The following MRTFA variants were observed in gnomAD, a reference collection of about 807,000 sequenced individuals.
MRTFA encodes myocardin related transcription factor A, also known as myocardin-related transcription factor A.
MRTFA carries 20 observed loss-of-function variants against 83.5 expected under a neutral mutation model. The observed-to-expected ratio is 0.24, with a 90% CI of 0.17 to 0.35. The LOEUF is 0.35. MRTFA is among the 10% of genes least tolerant of loss of function. The pLI, the probability that MRTFA is intolerant of heterozygous loss-of-function variation, is 1.00. For missense variants in MRTFA, 1,200 were observed against 1,224.7 expected (o/e 0.98, Z 0.30); for synonymous variants, 659 against 541.2 (o/e 1.22, Z -3.02).
At chr22:40,570,360 G>C (rs189670063) in intron 2 of MRTFA, among the ~76,000 whole-genome samples, 9 of 151,824 alleles carry the variant, frequency 5.9e-5, no homozygotes, top group Non-Finnish European at 1.3e-4. Flanking sequence ...TGGATCACGA[G>C]GTCAGGAGAT....
chr22:40,509,750 T>C (rs533810035), intron 3 of MRTFA, among the ~76,000 whole-genome samples: 176 of 152,266 alleles, frequency 1.2e-3, no homozygotes, highest in African/African-American at 3.7e-3. Context: ...TCCCAACATC[T>C]TCCTGTTTGG....
At chr22:40,445,115 ATT>A (rs1455890130) in intron 4 of MRTFA, among the ~76,000 whole-genome samples, 1 of 152,166 alleles carries the variant, frequency 6.6e-6, no homozygotes, top group Non-Finnish European at 1.5e-5. Context: ...ACTGCCATAT[ATT>A]AATTTCATTA....
Position 40,480,230 on chromosome 22 carries a change from T to C in MRTFA, c.242-16944A>G, listed in dbSNP as rs6001930. ...CTGAATGTATAGCCTGAATCTTCAA[T>C]CACCTCTCTTTTCTCATAAAACACA... On this transcript the variant is annotated intron_variant, in intron 3 of 14. Transcript: ENST00000355630. Among the ~76,000 whole-genome samples, 18,458 of 151,988 alleles carry C rather than the reference T, an allele frequency of 0.12. 1,294 individuals carry two copies. The highest frequency in any genetic ancestry group is 0.25 in the East Asian group (1,269 of 5,178).
intron 3 of MRTFA, among the ~76,000 whole-genome samples, chr22:40,464,676 T>A (rs1270468396): frequency 6.6e-6 from 1 of 152,110 alleles, no homozygotes; most frequent in Non-Finnish European, 1.5e-5. Flanking sequence ...AATATCTGCC[T>A]TTTTCTATCC....
rs1186918164 is a variant in MRTFA at position 40,594,684 on chromosome 22, A to C, written c.-32T>G. 6.6e-6 allele frequency: 1 copy of C among 152,178 alleles called. No homozygotes were observed. The highest frequency in any genetic ancestry group is 1.5e-5 in the Non-Finnish European group (1 of 68,026). The allele number at this position is 152,178 out of a possible 1,614,324, so 9.4% of individuals were successfully genotyped here. On this transcript the variant is annotated 5_prime_UTR_variant, in exon 2 of 15. Transcript: ENST00000355630. ...AAATCTGGGACCTACCTTGCTTACA[A>C]TTCCCACAGACAGATGAAATTCAAT...
At chr22:40,463,564 A>G in intron 3 of MRTFA, 1 of 354,598 alleles carries the variant, frequency 2.8e-6, no homozygotes, top group East Asian at 4.4e-5. Context: ...AACCTCCAAA[A>G]CACTGAGTCC....
At chr22:40,537,092 G>A (rs1318637044) in intron 3 of MRTFA, among the ~76,000 whole-genome samples, 2 of 55,052 alleles carry the variant, frequency 3.6e-5, no homozygotes, top group Non-Finnish European at 7.2e-5. Context: ...CTGGCCAGCC[G>A]TGCCGTCCGG....
chr22:40,624,713 G>C (rs1001734154), intron 1 of MRTFA, among the ~76,000 whole-genome samples: 1 of 152,116 alleles, frequency 6.6e-6, no homozygotes, highest in East Asian at 1.9e-4. Context: ...TCTCCAAATA[G>C]AATAAAAGGT....
chr22:40,550,186 C>CT (rs879886604), intron 3 of MRTFA, among the ~76,000 whole-genome samples: 28 of 146,044 alleles, frequency 1.9e-4, no homozygotes, highest in Middle Eastern at 3.6e-3. Flanking sequence ...CTTCCTACTT[C>CT]TTTTTTTTTT....
chr22:40,414,817 T>C (rs1048476322), intron 14 of MRTFA, among the ~76,000 whole-genome samples: 3 of 149,162 alleles, frequency 2.0e-5, no homozygotes, highest in Non-Finnish European at 3.0e-5. Context: ...TGAATGGACC[T>C]AATACCTCTG....
chr22:40,519,017 G>GT (rs112569374), intron 3 of MRTFA, among the ~76,000 whole-genome samples: 6,089 of 141,608 alleles, frequency 0.043, 164 homozygotes, highest in Middle Eastern at 0.076. Flanking sequence ...TGTTTTTGGG[G>GT]TTTTTTTTTT....
At chr22:40,538,949 C>T (rs1000864858) in intron 3 of MRTFA, among the ~76,000 whole-genome samples, 2 of 149,022 alleles carry the variant, frequency 1.3e-5, no homozygotes, top group African/African-American at 4.9e-5. Context: ...TCTATTAATT[C>T]ACTCTAAAGG....
intron 6 of MRTFA, among the ~76,000 whole-genome samples, chr22:40,430,069 C>G (rs904365219): frequency 6.6e-6 from 1 of 152,182 alleles, no homozygotes; most frequent in Non-Finnish European, 1.5e-5. Context: ...ATGGTCTCCA[C>G]TCTCCCTCAA....
intron 4 of MRTFA, among the ~76,000 whole-genome samples, chr22:40,455,746 A>G (rs1465958110): frequency 6.6e-6 from 1 of 151,202 alleles, no homozygotes; most frequent in African/African-American, 2.4e-5. Flanking sequence ...GATGTTGGAG[A>G]TTACAACAGG....
intron 2 of MRTFA, among the ~76,000 whole-genome samples, chr22:40,573,404 G>A (rs1027745880): frequency 2.0e-5 from 3 of 151,998 alleles, no homozygotes; most frequent in African/African-American, 7.3e-5. Context: ...ACAGGTATAT[G>A]CCACCACACC....
chr22:40,415,825 G>A (rs1341371204), intron 14 of MRTFA, among the ~76,000 whole-genome samples: 1 of 151,544 alleles, frequency 6.6e-6, no homozygotes, highest in Non-Finnish European at 1.5e-5. Flanking sequence ...CCTACCTTCC[G>A]TGTCCAGGCC....
At chr22:40,497,013 T>C (rs1020690345) in intron 3 of MRTFA, among the ~76,000 whole-genome samples, 34 of 152,346 alleles carry the variant, frequency 2.2e-4, no homozygotes, top group Middle Eastern at 3.4e-3. Context: ...CTGTCAATAC[T>C]TACTGTCTGC....
At chr22:40,437,863 G>A (rs182878036) in intron 4 of MRTFA, among the ~76,000 whole-genome samples, 194 of 152,196 alleles carry the variant, frequency 1.3e-3, no homozygotes, top group African/African-American at 4.6e-3. Flanking sequence ...CACAGCAAGG[G>A]TTTTGTCTAT....
chr22:40,633,176 A>G lies in MRTFA; in HGVS notation c.-84+3302T>C, dbSNP rs146630193. Among the ~76,000 whole-genome samples, 597 of 152,302 alleles carry G rather than the reference A, an allele frequency of 3.9e-3. 5 individuals are homozygous for G. Among genetic ancestry groups the G allele is most frequent in the African/African-American group, 0.014 (574 of 41,552 alleles). On this transcript the variant is annotated intron_variant, in intron 1 of 14. Coordinates refer to ENST00000355630, the MANE Select transcript of MRTFA (RefSeq NM_020831.6). ...TTTTCTCAGTAAAGAAATGTTTCTT[A>G]TGTTTGTCAATTGCAACTATCAACC...
Sources: gnomAD v4.1 joint callset for allele counts (sites outside exome capture counted in the v4.1 genomes callset) on GRCh38, gnomAD v4.1.1 for gene constraint, MANE v1.5 for transcripts, NCBI Gene and HGNC (gene_info 2026-07-23, HGNC 2026-07-21) for gene names.